Variants in TTC28 observed in about 807,000 individuals in gnomAD.
TTC28 encodes the protein tetratricopeptide repeat protein 28.
TTC28 carries 61 observed loss-of-function variants against 198.0 expected under a neutral mutation model. The observed-to-expected ratio is 0.31, with a 90% CI of 0.25 to 0.38. The LOEUF is 0.38. Ranked by LOEUF, TTC28 falls within the 10% of genes least tolerant of loss-of-function variation. The pLI, the probability that TTC28 is intolerant of heterozygous loss-of-function variation, is 1.00. For missense variants in TTC28, 2,678 were observed against 3,164.0 expected (o/e 0.85, Z 3.69); for synonymous variants, 1,171 against 1,297.8 (o/e 0.90, Z 2.10).
intron 12 of TTC28, among the ~76,000 whole-genome samples, chr22:28,077,438 G>A (rs1030072183): frequency 6.6e-6 from 1 of 152,292 alleles, no homozygotes; most frequent in African/African-American, 2.4e-5. Context: ...TTACAGGTAT[G>A]AGCCACCTCA....
intron 15 of TTC28, chr22:27,999,842 C>T (rs1937624450): frequency 6.6e-6 from 1 of 152,300 alleles, no homozygotes; most frequent in Admixed American, 6.5e-5. Flanking sequence ...ATAATGTCTG[C>T]CTGAGTTTCC....
At chr22:28,371,529 A>AAAAAAAAAAG (rs71194763) in intron 2 of TTC28, among the ~76,000 whole-genome samples, 3 of 125,696 alleles carry the variant, frequency 2.4e-5, no homozygotes, top group Non-Finnish European at 5.1e-5. Flanking sequence ...AAAAAAAAAA[A>AAAAAAAAAAG]GAGTTCAGAA....
chr22:28,496,747 G>A lies in TTC28; in HGVS notation c.381+132805C>T, dbSNP rs189182605. 1.2e-3 allele frequency among the ~76,000 whole-genome samples: 186 copies of A among 151,944 alleles called. 1 individual carries two copies. Among genetic ancestry groups the A allele is most frequent in the Admixed American group, 2.0e-3 (31 of 15,250 alleles). On this transcript the variant is annotated intron_variant, in intron 2 of 22. Coordinates refer to ENST00000397906, the MANE Select transcript of TTC28 (RefSeq NM_001145418.2). ...CCAGAGAAATCTTTTCAAACCCTAA[G>A]TCAGATAAAGTCACTCCTCCGCTTA...
intron 5 of TTC28, among the ~76,000 whole-genome samples, chr22:28,244,196 T>C (rs1031619388): frequency 1.8e-4 from 28 of 152,100 alleles, no homozygotes; most frequent in African/African-American, 6.3e-4. Flanking sequence ...TTGGGCGGGT[T>C]TGAGTAAAAG....
intron 2 of TTC28, among the ~76,000 whole-genome samples, chr22:28,340,145 G>A (rs548776573): frequency 6.6e-6 from 1 of 152,182 alleles, no homozygotes; most frequent in Admixed American, 6.5e-5. Flanking sequence ...CAAACCTTGG[G>A]CTGGTCCTAC....
chr22:28,561,174 T>C (rs2049871598), intron 2 of TTC28, among the ~76,000 whole-genome samples: 1 of 145,606 alleles, frequency 6.9e-6, no homozygotes, highest in Non-Finnish European at 1.5e-5. Context: ...CCCGGGTTCA[T>C]GCCATTCTCC....
intron 3 of TTC28, among the ~76,000 whole-genome samples, chr22:28,304,209 C>T (rs762573970): frequency 1.3e-3 from 203 of 151,730 alleles, no homozygotes; most frequent in Middle Eastern, 3.4e-3. Context: ...GGCGTGAACC[C>T]GGGAGGCGGA....
chr22:28,393,888 CT>C (rs2046773592), intron 2 of TTC28, among the ~76,000 whole-genome samples: 1 of 152,096 alleles, frequency 6.6e-6, no homozygotes, highest in Admixed American at 6.5e-5. Flanking sequence ...ACTCCACTGG[CT>C]CAGAGCTCCA....
intron 1 of TTC28, among the ~76,000 whole-genome samples, chr22:28,645,282 A>G (rs190019431): frequency 9.9e-4 from 151 of 152,302 alleles, no homozygotes; most frequent in African/African-American, 3.5e-3. Flanking sequence ...TGACGAACAC[A>G]GATGCAAAAA....
intron 2 of TTC28, among the ~76,000 whole-genome samples, chr22:28,404,370 G>A (rs750678039): frequency 1.1e-4 from 16 of 152,204 alleles, no homozygotes; most frequent in Middle Eastern, 3.4e-3. Flanking sequence ...CGCCCGCCTC[G>A]GCCTCCCAAA....
At chr22:28,310,135 AACAC>A (rs751276999) in intron 2 of TTC28, among the ~76,000 whole-genome samples, 3 of 73,276 alleles carry the variant, frequency 4.1e-5, no homozygotes, top group Non-Finnish European at 6.0e-5. Flanking sequence ...TGTGACACAT[AACAC>A]ACACACACAC....
chr22:28,386,320 G>C (rs1055147459), intron 2 of TTC28, among the ~76,000 whole-genome samples: 8 of 133,046 alleles, frequency 6.0e-5, no homozygotes, highest in East Asian at 2.5e-4. Context: ...GGCTTCACCA[G>C]TTTTAGCAGT....
chr22:28,080,062 C>T (rs1399544431), intron 12 of TTC28, among the ~76,000 whole-genome samples: 1 of 152,136 alleles, frequency 6.6e-6, no homozygotes, highest in Non-Finnish European at 1.5e-5. Context: ...AGTAATATTC[C>T]ATTGTATACA....
In TTC28 at chr22:28,108,019, T is replaced by C. The variant is rs1942370217; in HGVS notation, c.1826A>G (p.Glu609Gly). 2 of 1,551,406 alleles carry C rather than the reference T, an allele frequency of 1.3e-6. No homozygotes were observed. Among genetic ancestry groups the C allele is most frequent in the South Asian group, 1.2e-5 (1 of 84,030 alleles). The change falls in exon 7 of 23, where the codon GAG (glutamate) becomes GGG (glycine). Residue 609 changes from glutamate to glycine, a missense_variant. Glu to Gly is a moderately conservative substitution (Grantham distance 98). Around this residue, in one of 8 missense-constraint regions of TTC28, gnomAD observed 775 missense variants for 845.9 expected, o/e 0.92. Transcript: ENST00000397906. ...ATAATAGGGGGCAGCCTGGACATAC[T>C]CTCCCCGAGAGCAGTGGAAATTGCC... ...NLGNFHCSRG[E>G]YVQAAPYYEQ...
At chr22:28,336,011 C>T (rs2045710236) in intron 2 of TTC28, among the ~76,000 whole-genome samples, 1 of 152,136 alleles carries the variant, frequency 6.6e-6, no homozygotes, top group African/African-American at 2.4e-5. Flanking sequence ...GAGATACGTG[C>T]CATCAATACC....
chr22:28,532,434 A>G (rs1489852914), intron 2 of TTC28, among the ~76,000 whole-genome samples: 1 of 152,186 alleles, frequency 6.6e-6, no homozygotes, highest in Non-Finnish European at 1.5e-5. Context: ...CAACCAAAAA[A>G]AGTCCAGGAC....
At chr22:28,622,290 A>G (rs1432939771) in intron 2 of TTC28, among the ~76,000 whole-genome samples, 11 of 152,208 alleles carry the variant, frequency 7.2e-5, no homozygotes. Context: ...GAAAGACCCA[A>G]ATTCTGTCTA....
intron 2 of TTC28, among the ~76,000 whole-genome samples, chr22:28,452,389 CAAAAAAAAAAAAAAAAAA>C (rs71194768): frequency 6.9e-5 from 3 of 43,226 alleles, no homozygotes; most frequent in African/African-American, 2.8e-4. Context: ...GATTCCATCT[CAAAAAAAAAAAAAAAAAA>C]AAAAAAAAAA....
chr22:28,297,556 T>C, intron 4 of TTC28, 24 bp downstream of exon 4: 2 of 1,538,654 alleles, frequency 1.3e-6, no homozygotes, highest in Non-Finnish European at 1.8e-6. Context: ...CTTTCTGCAC[T>C]GAAATAGAGA....
Sources: allele counts gnomAD v4.1 joint callset (sites outside exome capture counted in the v4.1 genomes callset), GRCh38; gene constraint gnomAD v4.1.1; regional missense constraint gnomAD v4.1.1; transcripts MANE v1.5; gene names NCBI Gene and HGNC (gene_info 2026-07-23, HGNC 2026-07-21).